The following PROS1 variants were observed in gnomAD, a reference collection of about 807,000 sequenced individuals.
The protein encoded by PROS1 is vitamin K-dependent protein S.
In PROS1, 29 loss-of-function variants were observed where a neutral mutation model predicts 75.9. That is an observed-to-expected ratio of 0.38 (90% CI 0.28 to 0.52). The LOEUF (loss-of-function observed/expected upper bound fraction) is 0.52, where lower values mean the gene tolerates loss of function less well. PROS1 is among the 20% of genes least tolerant of loss of function. PROS1 has a pLI of 0.83. For missense variants in PROS1, 680 were observed against 810.3 expected (o/e 0.84, Z 1.95); for synonymous variants, 245 against 280.6 (o/e 0.87, Z 1.27).
At chr3:93,905,695 A>T (rs1481327718) in intron 6 of PROS1, 89 bp downstream of exon 6, 4 of 1,444,316 alleles carry the variant, frequency 2.8e-6, no homozygotes, top group Non-Finnish European at 2.9e-6. Context: ...CTTACATATC[A>T]TTTTTCCAAA....
intron 9 of PROS1, 97 bp downstream of exon 9, chr3:93,896,479 G>C: frequency 1.1e-6 from 1 of 874,224 alleles, no homozygotes; most frequent in Non-Finnish European, 2.0e-6. Context: ...TATCTGATAG[G>C]TAATACAATT....
At chr3:93,917,831 G>A (rs1708881417) in intron 3 of PROS1, among the ~76,000 whole-genome samples, 1 of 152,150 alleles carries the variant, frequency 6.6e-6, no homozygotes, top group South Asian at 2.1e-4. Context: ...TGCAGGGCAG[G>A]GTTCGGGACC....
At chr3:93,915,224 T>C (rs1037498899) in intron 3 of PROS1, among the ~76,000 whole-genome samples, 30 of 152,170 alleles carry the variant, frequency 2.0e-4, no homozygotes, top group African/African-American at 6.8e-4. Context: ...CCCAGCTCTT[T>C]GGGAGGCTGA....
intron 1 of PROS1, among the ~76,000 whole-genome samples, chr3:93,947,728 G>A (rs554464137): frequency 8.2e-4 from 124 of 151,818 alleles, no homozygotes; most frequent in African/African-American, 2.8e-3. Flanking sequence ...CACCACACCC[G>A]GCTAATTTTT....
Position 93,963,279 on chromosome 3 carries a change from A to G in PROS1, c.76+10395T>C, listed in dbSNP as rs1576219496. On this transcript the variant is annotated intron_variant, in intron 1 of 14. Transcript: ENST00000394236. ...CACCTGGTGACCATGAGATGTAAAC[A>G]GCTCATCATAAGCGGGATGCTGTCT... is the stretch of plus-strand genomic sequence containing the variant. Among the ~76,000 whole-genome samples, 7 of 152,344 alleles carry G rather than the reference A, an allele frequency of 4.6e-5. No homozygotes were observed. The South Asian group carries it at 1.0e-3, about 23-fold the overall frequency.
intron 1 of PROS1, among the ~76,000 whole-genome samples, chr3:93,955,200 A>G (rs1709578664): frequency 6.6e-6 from 1 of 152,192 alleles, no homozygotes; most frequent in Non-Finnish European, 1.5e-5. Context: ...TAGAAATACC[A>G]ATTGACCCAG....
chr3:93,930,713 A>T (rs1252228603), intron 1 of PROS1, among the ~76,000 whole-genome samples: 1 of 152,224 alleles, frequency 6.6e-6, no homozygotes, highest in East Asian at 1.9e-4. Context: ...GGGAATGTCC[A>T]CTTAAGTTTA....
rs1320949610 is a variant in PROS1, at chr3:93,915,658, T to A, written c.260-4953A>T. Among the ~76,000 whole-genome samples the A allele has an allele frequency of 5.3e-5, 8 of 152,204 alleles. 1 individual carries two copies. The highest frequency in any genetic ancestry group is 3.9e-4 in the Admixed American group (6 of 15,272). On this transcript the variant is annotated intron_variant, in intron 3 of 14. Coordinates refer to ENST00000394236, the MANE Select transcript of PROS1 (RefSeq NM_000313.4). ...GTCTTTACTCTAGTTTCCAGTGCTT[T>A]GTTTCTCATTTCCATCTAGGATCTC...
intron 1 of PROS1, among the ~76,000 whole-genome samples, chr3:93,943,354 C>T (rs1282439837): frequency 6.6e-6 from 1 of 151,854 alleles, no homozygotes; most frequent in Admixed American, 6.6e-5. Context: ...CCTCCCAATT[C>T]TTAGTCCTTT....
chr3:93,959,584 C>T (rs1426401622), intron 1 of PROS1, among the ~76,000 whole-genome samples: 1 of 152,188 alleles, frequency 6.6e-6, no homozygotes, highest in East Asian at 1.9e-4. Context: ...TAGATTGTCT[C>T]AAACTTTAAA....
chr3:93,973,554 G>C lies in PROS1; in HGVS notation c.76+120C>G. On this transcript the variant is annotated intron_variant, in intron 1 of 14. Coordinates refer to ENST00000394236, the MANE Select transcript of PROS1 (RefSeq NM_000313.4). ...TGTTTCCATCCGCTGGGTGTCTGTC[G>C]GTACTTACTGGAAACTTTCTAGGAG... is the stretch of plus-strand genomic sequence containing the variant. 3 of 1,015,962 alleles carry C rather than the reference G, an allele frequency of 3.0e-6. No individual in the cohort carries two copies. Among genetic ancestry groups the C allele is most frequent in the South Asian group, 1.4e-5 (1 of 72,668 alleles). The allele number at this position is 1,015,962 out of a possible 1,614,324, so 62.9% of individuals were successfully genotyped here. A position where few individuals can be genotyped will look rare whatever the true frequency, so the allele number is the denominator to read the frequency against.
At chr3:93,932,038 A>G (rs920219579) in intron 1 of PROS1, among the ~76,000 whole-genome samples, 8 of 152,178 alleles carry the variant, frequency 5.3e-5, no homozygotes, top group African/African-American at 1.9e-4. Flanking sequence ...CCCAAATTAA[A>G]ACTACAGGAC....
chr3:93,948,390 T>C lies in PROS1; in HGVS notation c.77-20983A>G, dbSNP rs557147800. Among the ~76,000 whole-genome samples, 25 of 152,314 alleles carry C rather than the reference T, an allele frequency of 1.6e-4. 2 individuals are homozygous for C. Among genetic ancestry groups the C allele is most frequent in the Middle Eastern group, 6.8e-3 (2 of 294 alleles). On this transcript the variant is annotated intron_variant, in intron 1 of 14. Coordinates refer to ENST00000394236, the MANE Select transcript of PROS1 (RefSeq NM_000313.4). ...TGAGAAGAATGTATATTCTGTTGAT[T>C]TGGGGTGGAGAGTTCTGTAGATGTC... is the stretch of plus-strand genomic sequence containing the variant.
intron 11 of PROS1, among the ~76,000 whole-genome samples, chr3:93,885,780 C>G (rs1708337305): frequency 6.6e-6 from 1 of 152,126 alleles, no homozygotes; most frequent in African/African-American, 2.4e-5. Context: ...AGCTTAATAT[C>G]ATATAATGGA....
intron 1 of PROS1, among the ~76,000 whole-genome samples, chr3:93,947,463 G>C (rs1475219586): frequency 6.6e-6 from 1 of 152,072 alleles, no homozygotes; most frequent in Non-Finnish European, 1.5e-5. Context: ...ATGAGGGAAG[G>C]TTCCCTCTGT....
chr3:93,947,972 A>G (rs1709432568), intron 1 of PROS1, among the ~76,000 whole-genome samples: 1 of 152,166 alleles, frequency 6.6e-6, no homozygotes, highest in African/African-American at 2.4e-5. Context: ...TTATTGATAC[A>G]TGTGCCCAGT....
At chr3:93,925,985 C>G (rs1709010997) in intron 2 of PROS1, among the ~76,000 whole-genome samples, 1 of 152,032 alleles carries the variant, frequency 6.6e-6, no homozygotes. Context: ...TCCTCCTCCA[C>G]ATCAAGGTCT....
At chr3:93,949,456 C>T (rs1296054893) in intron 1 of PROS1, among the ~76,000 whole-genome samples, 1 of 152,020 alleles carries the variant, frequency 6.6e-6, no homozygotes, top group Non-Finnish European at 1.5e-5. Context: ...AATACAAAAA[C>T]AGATTTGGCT....
In PROS1 at chr3:93,873,348, G is replaced by A. The variant is rs1708135077; in HGVS notation, c.*897C>T. 2 of 152,080 alleles carry A rather than the reference G, an allele frequency of 1.3e-5. No homozygotes were observed. The highest frequency in any genetic ancestry group is 2.9e-5 in the Non-Finnish European group (2 of 68,006). 9.4% of individuals were successfully genotyped at this position (152,080 alleles called of 1,614,324 possible). On this transcript the variant is annotated 3_prime_UTR_variant, in exon 15 of 15. Coordinates refer to ENST00000394236, the MANE Select transcript of PROS1 (RefSeq NM_000313.4). Reference sequence around the variant, plus strand: ...TATATCCCTCTGTGGTTGTCCTTTTGTTAAAATTTGTTCTGGTTTTCATAG... The same window carrying A: ...TATATCCCTCTGTGGTTGTCCTTTTATTAAAATTTGTTCTGGTTTTCATAG...
Sources: allele counts gnomAD v4.1 joint callset (sites outside exome capture counted in the v4.1 genomes callset), GRCh38; gene constraint gnomAD v4.1.1; transcripts MANE v1.5; gene names NCBI Gene and HGNC (gene_info 2026-07-23, HGNC 2026-07-21).